The following CAMK4 variants were observed in gnomAD, a reference collection of about 807,000 sequenced individuals.
CAMK4 encodes the protein calcium/calmodulin dependent protein kinase IV.
CAMK4 carries 22 observed loss-of-function variants against 44.9 expected under a neutral mutation model. The observed-to-expected ratio is 0.49, with a 90% CI of 0.35 to 0.70. CAMK4 has a LOEUF of 0.70. Among genes scored for constraint, CAMK4 ranks in the 30% least tolerant of loss-of-function variants. CAMK4 has a pLI of 0.01. For missense variants in CAMK4, 498 were observed against 586.8 expected (o/e 0.85, Z 1.56); for synonymous variants, 218 against 215.4 (o/e 1.01, Z -0.11).
chr5:111,407,243 C>G (rs911365502), intron 5 of CAMK4, among the ~76,000 whole-genome samples: 1 of 151,550 alleles, frequency 6.6e-6, no homozygotes, highest in South Asian at 2.1e-4. Context: ...CCCACCTACT[C>G]GAGAGGCTGA....
At chr5:111,323,938 G>C (rs1335012864) in intron 1 of CAMK4, among the ~76,000 whole-genome samples, 1 of 151,946 alleles carries the variant, frequency 6.6e-6, no homozygotes, top group Admixed American at 6.6e-5. Flanking sequence ...TAAAATATAG[G>C]ATAATAACAG....
chr5:111,376,827 T>G (rs781518550), intron 3 of CAMK4, 33 bp from the exon 4 acceptor site: 3 of 1,286,044 alleles, frequency 2.3e-6, no homozygotes, highest in Non-Finnish European at 2.2e-6. Flanking sequence ...AATAAGAAAT[T>G]TGTGATATTC....
intron 5 of CAMK4, among the ~76,000 whole-genome samples, chr5:111,411,716 A>C (rs1752638789): frequency 6.6e-6 from 1 of 152,212 alleles, no homozygotes; most frequent in Non-Finnish European, 1.5e-5. Flanking sequence ...CACAAAGAAG[A>C]ATCCACTTCT....
intron 4 of CAMK4, among the ~76,000 whole-genome samples, chr5:111,386,813 G>A (rs1751622420): frequency 6.6e-6 from 1 of 152,270 alleles, no homozygotes; most frequent in Non-Finnish European, 1.5e-5. Flanking sequence ...TTGGGGAAAT[G>A]TACCACCTTC....
chr5:111,436,736 G>A (rs755729220), intron 5 of CAMK4, among the ~76,000 whole-genome samples: 2 of 152,102 alleles, frequency 1.3e-5, no homozygotes, highest in African/African-American at 4.8e-5. Context: ...TTAGCCACTT[G>A]ATTTTTAAGT....
chr5:111,296,730 T>G (rs1264955399), intron 1 of CAMK4, among the ~76,000 whole-genome samples: 2 of 152,190 alleles, frequency 1.3e-5, no homozygotes, highest in Non-Finnish European at 2.9e-5. Context: ...ACCCTCAGGT[T>G]ATCAGCTTCA....
chr5:111,484,107 G>T lies in CAMK4; in HGVS notation c.1063G>T (p.Ala355Ser). The T allele has an allele frequency of 6.2e-7, 1 of 1,614,000 alleles. No homozygotes were observed. The highest frequency in any genetic ancestry group is 2.2e-5 in the East Asian group (1 of 44,882). The change falls in exon 11 of 11, where the codon GCT (alanine) becomes TCT (serine). Residue 355 changes from alanine (A) to serine (S), a missense_variant. Transcript: ENST00000282356. The surrounding 1 kb of genome is among the most constrained non-coding windows in gnomAD (Gnocchi z 5.3). ...TGGCAGCATCCAGGAGAGCCACAAG[G>T]CTAGCCGAGACCCTTCTCCAATCCA... ...SHGSIQESHKASRDPSPIQDG... is the reference protein window; with the variant it reads ...SHGSIQESHKSSRDPSPIQDG...
In CAMK4 at chr5:111,394,771, G is replaced by A; in HGVS notation, c.448G>A (p.Glu150Lys). The A allele has an allele frequency of 6.2e-7, 1 of 1,609,446 alleles. No homozygotes were observed. Among genetic ancestry groups the A allele is most frequent in the East Asian group, 2.2e-5 (1 of 44,796 alleles). ...DAADAVKQIL[E>K]AVAYLHENGI... ...TGCAGATGCCGTTAAACAAATCCTGGAGGCAGTTGCTGTAAGTATGAAGTA... is the reference window on the plus strand; with the variant it reads ...TGCAGATGCCGTTAAACAAATCCTGAAGGCAGTTGCTGTAAGTATGAAGTA... The change falls in exon 5 of 11, where the codon GAG becomes AAG. Residue 150 changes from glutamate to lysine, a missense_variant. By Grantham distance (56) the Glu-to-Lys change is moderately conservative (BLOSUM62 1). Coordinates refer to ENST00000282356, the MANE Select transcript of CAMK4 (RefSeq NM_001744.6).
At chr5:111,404,440 C>T (rs1033529597) in intron 5 of CAMK4, among the ~76,000 whole-genome samples, 1 of 152,172 alleles carries the variant, frequency 6.6e-6, no homozygotes, top group Non-Finnish European at 1.5e-5. Flanking sequence ...TAATCAGTGC[C>T]TAGGGGAGCT....
intron 1 of CAMK4, among the ~76,000 whole-genome samples, chr5:111,228,575 G>A (rs72793573): frequency 0.24 from 35,640 of 150,256 alleles, 4,362 homozygotes; most frequent in Non-Finnish European, 0.26. Context: ...TCATAAAACA[G>A]TGTTTATTCT....
At chr5:111,377,827 G>T (rs916398319) in intron 4 of CAMK4, among the ~76,000 whole-genome samples, 6 of 152,060 alleles carry the variant, frequency 3.9e-5, no homozygotes, top group African/African-American at 1.4e-4. Context: ...CAGTTTATGG[G>T]GAAGACAGAA....
chr5:111,470,617 G>A (rs1479030455), intron 7 of CAMK4, among the ~76,000 whole-genome samples: 1 of 152,206 alleles, frequency 6.6e-6, no homozygotes, highest in Non-Finnish European at 1.5e-5. Flanking sequence ...GGATAACCAT[G>A]TCAATGCAGT....
chr5:111,473,485 G>A (rs942345175), intron 8 of CAMK4, 99 bp downstream of exon 8: 2 of 772,094 alleles, frequency 2.6e-6, no homozygotes, highest in Non-Finnish European at 2.2e-6. Context: ...ATTACTTTTT[G>A]CCTTTTTGTG....
chr5:111,225,844 A>G (rs1024418610), intron 1 of CAMK4, among the ~76,000 whole-genome samples: 1 of 152,220 alleles, frequency 6.6e-6, no homozygotes, highest in Non-Finnish European at 1.5e-5. Flanking sequence ...TGTCACTGTT[A>G]AAAATGTTTT....
chr5:111,285,564 G>A (rs1369465319), intron 1 of CAMK4, among the ~76,000 whole-genome samples: 1 of 152,192 alleles, frequency 6.6e-6, no homozygotes, highest in Admixed American at 6.5e-5. Context: ...GGCTGCAATG[G>A]ATGTAATTTC....
chr5:111,383,307 A>C (rs2112840007), intron 4 of CAMK4, among the ~76,000 whole-genome samples: 1 of 152,368 alleles, frequency 6.6e-6, no homozygotes, highest in East Asian at 1.9e-4. Flanking sequence ...ACAAAGGGTC[A>C]AAGGAGCTAG....
At chr5:111,434,964 C>G (rs919608378) in intron 5 of CAMK4, among the ~76,000 whole-genome samples, 1 of 152,174 alleles carries the variant, frequency 6.6e-6, no homozygotes, top group African/African-American at 2.4e-5. Flanking sequence ...CCACACACAG[C>G]CCATTGAACA....
chr5:111,452,329 A>C (rs1308520983), intron 7 of CAMK4, among the ~76,000 whole-genome samples: 1 of 152,216 alleles, frequency 6.6e-6, no homozygotes, highest in African/African-American at 2.4e-5. Flanking sequence ...ACATCAGGCT[A>C]AGGGATTCAG....
intron 1 of CAMK4, among the ~76,000 whole-genome samples, chr5:111,314,538 C>T (rs945204656): frequency 6.6e-6 from 1 of 151,986 alleles, no homozygotes; most frequent in African/African-American, 2.4e-5. Context: ...AACAAAAATA[C>T]TTTATAATCT....
Sources: allele counts gnomAD v4.1 joint callset (sites outside exome capture counted in the v4.1 genomes callset), GRCh38; gene constraint gnomAD v4.1.1; non-coding constraint Gnocchi (gnomAD v3.1); transcripts MANE v1.5; gene names NCBI Gene and HGNC (gene_info 2026-07-23, HGNC 2026-07-21).